Variants in MGLL observed in about 807,000 individuals in gnomAD.
The protein encoded by MGLL is lysophospholipase homolog.
In MGLL, 7 loss-of-function variants were observed where a neutral mutation model predicts 29.1. That is an observed-to-expected ratio of 0.24 (90% CI 0.14 to 0.45). The LOEUF (loss-of-function observed/expected upper bound fraction) is 0.45. MGLL is among the 20% of genes least tolerant of loss of function. MGLL has a pLI of 0.99. For synonymous variants in MGLL, 148 were observed against 168.3 expected (o/e 0.88, Z 0.93); for missense variants, 356 against 413.6 (o/e 0.86, Z 1.21).
chr3:127,703,243 G>A (rs985552459), intron 6 of MGLL, among the ~76,000 whole-genome samples: 12 of 152,124 alleles, frequency 7.9e-5, no homozygotes, highest in Non-Finnish European at 1.5e-4. Flanking sequence ...GACCACCAAG[G>A]GAAAGGAAAA....
intron 2 of MGLL, among the ~76,000 whole-genome samples, chr3:127,782,947 C>T (rs538408730): frequency 3.9e-5 from 6 of 152,008 alleles, no homozygotes; most frequent in Admixed American, 6.5e-5. Context: ...CCAGCACTTT[C>T]GGAGGCCAAG....
chr3:127,752,767 T>A (rs1310359869), intron 3 of MGLL, among the ~76,000 whole-genome samples: 1 of 152,128 alleles, frequency 6.6e-6, no homozygotes, highest in South Asian at 2.1e-4. Context: ...CCGGCTGAGC[T>A]TCCCCAGCCC....
chr3:127,797,845 A>T (rs1480485418), intron 2 of MGLL, among the ~76,000 whole-genome samples: 22 of 152,044 alleles, frequency 1.4e-4, no homozygotes. Flanking sequence ...GAGTCAAGTG[A>T]TTCTCCCACC....
At position 127,723,470 on chromosome 3, in the gene MGLL, C is replaced by T. The variant is rs371775751; in HGVS notation, c.263-904G>A. On this transcript the variant is annotated intron_variant, in intron 3 of 7. Transcript: ENST00000265052. ...CCTGGAACTGACAGGCTGCCCAGAC[C>T]TCCAGCTTGGAGACCCTCCTGCTGT... Among the ~76,000 whole-genome samples, 300 of 152,254 alleles carry T rather than the reference C, an allele frequency of 2.0e-3. 1 individual carries two copies. The highest frequency in any genetic ancestry group is 6.6e-3 in the African/African-American group (273 of 41,528).
chr3:127,809,970 C>A (rs2077633586), intron 2 of MGLL, among the ~76,000 whole-genome samples: 1 of 152,132 alleles, frequency 6.6e-6, no homozygotes, highest in Non-Finnish European at 1.5e-5. Context: ...CACATAAAAC[C>A]TTTGCAGGAA....
intron 2 of MGLL, among the ~76,000 whole-genome samples, chr3:127,819,448 G>A (rs2077818454): frequency 6.6e-6 from 1 of 152,182 alleles, no homozygotes; most frequent in East Asian, 1.9e-4. Flanking sequence ...AGGCGGGGCT[G>A]GAGATGAGGT....
chr3:127,807,580 T>C (rs1213503007), intron 2 of MGLL, among the ~76,000 whole-genome samples: 1 of 151,772 alleles, frequency 6.6e-6, no homozygotes, highest in East Asian at 1.9e-4. Flanking sequence ...AAAGATAATT[T>C]TATTAAGTGA....
At chr3:127,714,854 T>G (rs1247642761) in intron 5 of MGLL, among the ~76,000 whole-genome samples, 1 of 152,176 alleles carries the variant, frequency 6.6e-6, no homozygotes, top group African/African-American at 2.4e-5. Context: ...GATCTGTAAC[T>G]CCCTGTCTTC....
intron 3 of MGLL, among the ~76,000 whole-genome samples, chr3:127,735,398 T>C (rs966042526): frequency 6.6e-6 from 1 of 152,210 alleles, no homozygotes; most frequent in African/African-American, 2.4e-5. Context: ...GCAAATGGAT[T>C]ATCACACAGT....
At chr3:127,816,839 T>C (rs115852949) in intron 2 of MGLL, among the ~76,000 whole-genome samples, 2,725 of 152,326 alleles carry the variant, frequency 0.018, 31 homozygotes, top group Non-Finnish European at 0.025. Context: ...CCCTGTCTTA[T>C]TGGTTCTAGA....
intron 2 of MGLL, among the ~76,000 whole-genome samples, chr3:127,819,697 G>A (rs1006970746): frequency 6.6e-6 from 1 of 152,140 alleles, no homozygotes; most frequent in Non-Finnish European, 1.5e-5. Flanking sequence ...ATTCTGTGCA[G>A]GCAATAATAA....
intron 3 of MGLL, among the ~76,000 whole-genome samples, chr3:127,759,885 A>G (rs2076732141): frequency 6.6e-6 from 1 of 152,232 alleles, no homozygotes; most frequent in African/African-American, 2.4e-5. Context: ...TGGCGTCTGT[A>G]CAATAACTGA....
chr3:127,800,570 A>C (rs2077458253), intron 2 of MGLL, among the ~76,000 whole-genome samples: 1 of 152,218 alleles, frequency 6.6e-6, no homozygotes. Flanking sequence ...TGTTATAATC[A>C]TCTTATCAAA....
chr3:127,741,822 G>C (rs1263420646), intron 3 of MGLL, among the ~76,000 whole-genome samples: 1 of 152,246 alleles, frequency 6.6e-6, no homozygotes, highest in Admixed American at 6.5e-5. Flanking sequence ...GTCTTGGTTA[G>C]ATGCTGGGGG....
intron 3 of MGLL, among the ~76,000 whole-genome samples, chr3:127,762,192 G>A (rs1042764955): frequency 1.3e-5 from 2 of 152,182 alleles, no homozygotes; most frequent in African/African-American, 2.4e-5. Flanking sequence ...CTTGTCTGCC[G>A]GCATGCGGTT....
chr3:127,726,834 C>T (rs1181137490), intron 3 of MGLL, among the ~76,000 whole-genome samples: 1 of 152,190 alleles, frequency 6.6e-6, no homozygotes, highest in Non-Finnish European at 1.5e-5. Context: ...AAACACTTCA[C>T]CCTAAACACT....
chr3:127,756,826 T>C (rs544438261), intron 3 of MGLL, among the ~76,000 whole-genome samples: 17 of 152,368 alleles, frequency 1.1e-4, no homozygotes, highest in African/African-American at 3.8e-4. Context: ...AAAAAAGTGA[T>C]TGCCTGCATG....
chr3:127,746,541 A>T (rs2076446794), intron 3 of MGLL, among the ~76,000 whole-genome samples: 1 of 151,972 alleles, frequency 6.6e-6, no homozygotes. Flanking sequence ...TTTCTGTTTC[A>T]TTTGGCTCCA....
chr3:127,721,507 GTTTTT>G (rs55892315), intron 4 of MGLL, among the ~76,000 whole-genome samples: 4 of 94,834 alleles, frequency 4.2e-5, no homozygotes, highest in Non-Finnish European at 5.9e-5. Context: ...TAATAGGAGG[GTTTTT>G]TTTTTTTTTT....
Sources: allele counts gnomAD v4.1 joint callset (sites outside exome capture counted in the v4.1 genomes callset), GRCh38; gene constraint gnomAD v4.1.1; transcripts MANE v1.5; gene names NCBI Gene and HGNC (gene_info 2026-07-23, HGNC 2026-07-21).